Variants in TNNI3K observed in about 807,000 individuals in gnomAD.
The protein encoded by TNNI3K is TNNI3 interacting kinase.
Under a neutral mutation model 114.5 loss-of-function variants are expected in TNNI3K, and 140 were observed. The ratio of observed to expected loss-of-function variants is 1.22; its 90% CI spans 1.07 to 1.41. TNNI3K has a LOEUF of 1.41. Among genes scored for constraint, TNNI3K ranks in the 40% most tolerant of loss-of-function variants. TNNI3K has a pLI of 0.00. For synonymous variants in TNNI3K, 347 were observed against 347.5 expected (o/e 1.00, Z 0.02); for missense variants, 1,125 against 1,007.6 (o/e 1.12, Z -1.58).
rs917599797 is a variant in TNNI3K at position 74,480,884 on chromosome 1, T to C, written c.2122-8305T>C. The C allele has an allele frequency of 1.4e-5, 10 of 717,244 alleles. No homozygotes were observed. The African/African-American group carries it at 1.4e-4, about 10-fold the overall frequency. The allele number at this position is 717,244 out of a possible 1,614,324, so 44.4% of individuals were successfully genotyped here. A position where few individuals can be genotyped will look rare whatever the true frequency, so the allele number is the denominator to read the frequency against. Reference sequence around the variant, plus strand: ...TCTGCTTAGGGAGAGCAGGGCAAGATTAAACAAGAGAGACAGGTTTGTGCT... The same window carrying C: ...TCTGCTTAGGGAGAGCAGGGCAAGACTAAACAAGAGAGACAGGTTTGTGCT... On this transcript the variant is annotated intron_variant, in intron 21 of 24. Coordinates refer to ENST00000326637, the MANE Select transcript of TNNI3K (RefSeq NM_015978.3).
At chr1:74,494,503 A>T (rs537578499) in intron 23 of TNNI3K, among the ~76,000 whole-genome samples, 1 of 152,328 alleles carries the variant, frequency 6.6e-6, no homozygotes, top group East Asian at 1.9e-4. Context: ...AAAAGGACCC[A>T]TAGGCCAAGA....
In TNNI3K at chr1:74,460,618, C is replaced by A. The variant is rs577157390; in HGVS notation, c.2012-2823C>A. On this transcript the variant is annotated intron_variant, in intron 20 of 24. Coordinates refer to ENST00000326637, the MANE Select transcript of TNNI3K (RefSeq NM_015978.3). ...TGATTAATGGGCTGACAATCTCCTT[C>A]CTGAATCTGTAATACCAGAAAATTT... Among the ~76,000 whole-genome samples the A allele has an allele frequency of 7.2e-5, 11 of 152,346 alleles. No individual in the cohort carries two copies. The South Asian group carries it at 2.1e-3, about 29-fold the overall frequency.
intron 4 of TNNI3K, among the ~76,000 whole-genome samples, chr1:74,269,421 AAAGAGAAATGCATAATCAAAAC>A (rs1235879238): frequency 1.3e-5 from 2 of 151,906 alleles, no homozygotes; most frequent in Non-Finnish European, 2.9e-5. Context: ...GGTATATTGA[AAAGAGAAATGCATAATCAAAAC>A]TGGGTGTAGG....
chr1:74,411,223 A>G (rs1007939651), intron 17 of TNNI3K, among the ~76,000 whole-genome samples: 2 of 152,224 alleles, frequency 1.3e-5, no homozygotes, highest in Non-Finnish European at 2.9e-5. Flanking sequence ...ATTTCATTAA[A>G]TAATAAGCAT....
At chr1:74,369,146 C>T (rs745450517) in intron 14 of TNNI3K, 32 bp downstream of exon 14, 6 of 1,596,650 alleles carry the variant, frequency 3.8e-6, no homozygotes, top group Middle Eastern at 1.7e-4. Flanking sequence ...AATAAAGGTC[C>T]GGTTTAGTTG....
chr1:74,434,652 GA>G (rs1157979505), intron 17 of TNNI3K, among the ~76,000 whole-genome samples: 2 of 151,870 alleles, frequency 1.3e-5, no homozygotes, highest in East Asian at 3.9e-4. Flanking sequence ...TCTCTGACAG[GA>G]CAGTCTGATT....
chr1:74,501,211 T>G (rs1669607198), intron 23 of TNNI3K, among the ~76,000 whole-genome samples: 1 of 152,232 alleles, frequency 6.6e-6, no homozygotes, highest in Non-Finnish European at 1.5e-5. Flanking sequence ...TTTTCAGATC[T>G]GTCTTCCAAT....
intron 23 of TNNI3K, among the ~76,000 whole-genome samples, chr1:74,508,766 A>G (rs147436304): frequency 9.2e-4 from 140 of 152,318 alleles, no homozygotes; most frequent in African/African-American, 3.2e-3. Flanking sequence ...TTAGTGTGCT[A>G]TACTGGGAAA....
chr1:74,395,043 CAA>C (rs755880566), intron 17 of TNNI3K, among the ~76,000 whole-genome samples: 22 of 126,182 alleles, frequency 1.7e-4, no homozygotes, highest in Admixed American at 2.5e-4. Context: ...GACTCCATCT[CAA>C]AAAAAAAAAA....
chr1:74,443,111 C>A (rs1263794347), intron 20 of TNNI3K, among the ~76,000 whole-genome samples: 1 of 151,798 alleles, frequency 6.6e-6, no homozygotes, highest in Non-Finnish European at 1.5e-5. Flanking sequence ...AACTGGAGAA[C>A]CAAGAGAAAA....
intron 17 of TNNI3K, chr1:74,416,459 G>A (rs1665119004): frequency 1.0e-6 from 1 of 965,190 alleles, no homozygotes. Flanking sequence ...AGAAGTTATT[G>A]GAGTAGATTC....
Position 74,369,461 on chromosome 1 carries a change from C to T in TNNI3K, c.1543C>T (p.Gln515Ter). Residue 515 changes from glutamine (Q) to a stop codon, truncating the protein, a stop_gained, in exon 16 of 25, where the codon CAG becomes TAG. Coordinates refer to ENST00000326637, the MANE Select transcript of TNNI3K (RefSeq NM_015978.3). LOFTEE classifies it high-confidence loss of function. ...TTGCCGAGAGGTGTCCATTCTCTGC[C>T]AGCTCAATCATCCCTGCGTAATTCA... ...MFCREVSILC[Q>*]LNHPCVIQFV... The T allele has an allele frequency of 6.2e-7, 1 of 1,612,722 alleles. No homozygotes were observed. The highest frequency in any genetic ancestry group is 8.5e-7 in the Non-Finnish European group (1 of 1,179,206).
chr1:74,277,639 T>C (rs1013948349), intron 5 of TNNI3K, among the ~76,000 whole-genome samples: 4 of 152,172 alleles, frequency 2.6e-5, no homozygotes, highest in Non-Finnish European at 4.4e-5. Context: ...AAGTTGTTAC[T>C]CTGGTGTTAC....
intron 4 of TNNI3K, among the ~76,000 whole-genome samples, chr1:74,263,284 C>G (rs186688207): frequency 4.6e-5 from 7 of 152,084 alleles, no homozygotes; most frequent in Admixed American, 2.6e-4. Context: ...GTCATAAATA[C>G]TCAACAGGCT....
At chr1:74,450,911 G>T (rs1666962223) in intron 20 of TNNI3K, among the ~76,000 whole-genome samples, 1 of 152,038 alleles carries the variant, frequency 6.6e-6, no homozygotes, top group African/African-American at 2.4e-5. Context: ...ATACCCAAAG[G>T]AATATAAATC....
chr1:74,292,179 G>T (rs958251397), intron 5 of TNNI3K, among the ~76,000 whole-genome samples: 2 of 151,266 alleles, frequency 1.3e-5, no homozygotes, highest in Non-Finnish European at 1.5e-5. Context: ...TCTTTGCAAA[G>T]AACCAACTTC....
intron 23 of TNNI3K, among the ~76,000 whole-genome samples, chr1:74,535,449 G>T (rs1224664810): frequency 2.0e-5 from 3 of 152,136 alleles, no homozygotes; most frequent in Non-Finnish European, 4.4e-5. Context: ...CAGCCTGGGT[G>T]ACTGAGAGGG....
chr1:74,327,613 A>C (rs960775485), intron 5 of TNNI3K, among the ~76,000 whole-genome samples: 2 of 142,964 alleles, frequency 1.4e-5, no homozygotes, highest in Non-Finnish European at 1.5e-5. Flanking sequence ...TTACTATTAT[A>C]TTAATAGTAT....
chr1:74,331,666 T>G, intron 6 of TNNI3K, 118 bp downstream of exon 6: 3 of 931,138 alleles, frequency 3.2e-6, no homozygotes, highest in South Asian at 2.4e-5. Context: ...TTTTGCCATA[T>G]TCTCATCAAC....
Sources: gnomAD v4.1 joint callset for allele counts (sites outside exome capture counted in the v4.1 genomes callset) on GRCh38, gnomAD v4.1.1 for gene constraint, MANE v1.5 for transcripts, NCBI Gene and HGNC (gene_info 2026-07-23, HGNC 2026-07-21) for gene names.